The following ARHGAP27 variants were observed in gnomAD, a reference collection of about 807,000 sequenced individuals.
ARHGAP27 encodes the protein Rho GTPase activating protein 27.
In ARHGAP27, 53 loss-of-function variants were observed where a neutral mutation model predicts 102.0. That is an observed-to-expected ratio of 0.52 (90% CI 0.42 to 0.65). The LOEUF (loss-of-function observed/expected upper bound fraction) is 0.65, where lower values mean the gene tolerates loss of function less well. Among genes scored for constraint, ARHGAP27 ranks in the 30% least tolerant of loss-of-function variants. The pLI is 0.00. For synonymous variants in ARHGAP27, 525 were observed against 542.8 expected (o/e 0.97, Z 0.46); for missense variants, 1,117 against 1,256.2 (o/e 0.89, Z 1.68).
chr17:45,404,651 G>T lies in ARHGAP27; in HGVS notation c.1279C>A (p.Pro427Thr). The change falls in exon 7 of 20, where the codon CCA becomes ACA. Residue 427 changes from proline to threonine, a missense_variant. By Grantham distance (38) the Pro-to-Thr change is conservative. Coordinates refer to ENST00000685559, the MANE Select transcript of ARHGAP27 (RefSeq NM_001282290.2). ...GAGTCCTCTGGATTGTAGAAGTATG[G>T]CTTCCCGTGGGGGTCCTCCAGCCTC... ...WVRLEDPHGK[P>T]YFYNPEDSSV... 1 of 1,612,950 alleles carries T rather than the reference G, an allele frequency of 6.2e-7. No individual in the cohort carries two copies. Among genetic ancestry groups the T allele is most frequent in the Non-Finnish European group, 8.5e-7 (1 of 1,179,680 alleles).
At chr17:45,412,446 G>A (rs944920532) in intron 4 of ARHGAP27, among the ~76,000 whole-genome samples, 2 of 152,200 alleles carry the variant, frequency 1.3e-5, no homozygotes, top group Non-Finnish European at 2.9e-5. Flanking sequence ...GGAAGTGCTG[G>A]GGCAGGAGCA....
At chr17:45,398,341 A>G (rs2045990075) in intron 12 of ARHGAP27, among the ~76,000 whole-genome samples, 2 of 152,174 alleles carry the variant, frequency 1.3e-5, no homozygotes, top group Admixed American at 6.5e-5. Context: ...GCATGGCTCA[A>G]TTGTCTGGTA....
chr17:45,416,032 G>GTTTTTTTTTTTTTTTTTTTT (rs35276396), intron 4 of ARHGAP27, among the ~76,000 whole-genome samples: 1 of 143,360 alleles, frequency 7.0e-6, no homozygotes, highest in African/African-American at 2.6e-5. Flanking sequence ...TGAAGTTTTT[G>GTTTTTTTTTTTTTTTTTTTT]TTTTTTTTTT....
intron 4 of ARHGAP27, among the ~76,000 whole-genome samples, chr17:45,415,292 G>A (rs1224597309): frequency 2.0e-5 from 3 of 151,968 alleles, no homozygotes; most frequent in Middle Eastern, 3.4e-3. Flanking sequence ...CTCCTTCTTG[G>A]GCTTCCTCAG....
rs1259306355 is a variant in ARHGAP27, at chr17:45,430,611, T to A, written c.-18-314A>T. 1.3e-5 allele frequency among the ~76,000 whole-genome samples: 2 copies of A among 152,142 alleles called. No homozygotes were observed. Among genetic ancestry groups the A allele is most frequent in the African/African-American group, 4.8e-5 (2 of 41,410 alleles). ...AATCGACTGCGAGGGAAGCCTTGGC[T>A]TTAAAACGAGGGGTGATTGCCCGCT... On this transcript the variant is annotated intron_variant, in intron 3 of 19. Coordinates refer to ENST00000685559, the MANE Select transcript of ARHGAP27 (RefSeq NM_001282290.2). This position sits in a 1 kb window ranked among gnomAD's most constrained non-coding sequence, Gnocchi z 4.4.
chr17:45,412,930 C>T (rs1490647920), intron 4 of ARHGAP27, among the ~76,000 whole-genome samples: 1 of 144,782 alleles, frequency 6.9e-6, no homozygotes, highest in African/African-American at 2.6e-5. Context: ...TTGACTGTGC[C>T]TCCCAGGTGT....
intron 4 of ARHGAP27, chr17:45,410,141 G>T: frequency 7.1e-7 from 1 of 1,411,414 alleles, no homozygotes; most frequent in South Asian, 1.3e-5. Context: ...ACTTCCAAGA[G>T]GCTCCCTGCT....
At chr17:45,418,375 C>A (rs1242108424) in intron 4 of ARHGAP27, among the ~76,000 whole-genome samples, 1 of 151,480 alleles carries the variant, frequency 6.6e-6, no homozygotes, top group South Asian at 2.1e-4. Flanking sequence ...GAGGACCAAG[C>A]GGGAGGACTG....
chr17:45,427,279 G>A lies in ARHGAP27; in HGVS notation c.657+2344C>T, dbSNP rs2049711377. 6.6e-6 allele frequency among the ~76,000 whole-genome samples: 1 copy of A among 152,098 alleles called. No homozygotes were observed. Among genetic ancestry groups the A allele is most frequent in the Admixed American group, 6.5e-5 (1 of 15,272 alleles). On this transcript the variant is annotated intron_variant, in intron 4 of 19. Transcript: ENST00000685559. The surrounding 1 kb of genome is among the most constrained non-coding windows in gnomAD (Gnocchi z 4.5). ...CCTCACAGCGGCTGCAGGATAATGT[G>A]CACATTCCTGGCAAGGGCCCACGAG...
At chr17:45,421,094 C>A (rs1302766004) in intron 4 of ARHGAP27, among the ~76,000 whole-genome samples, 1 of 139,736 alleles carries the variant, frequency 7.2e-6, no homozygotes, top group Non-Finnish European at 1.5e-5. Flanking sequence ...AAAAGTACAA[C>A]AAGAATGAAA....
At chr17:45,429,473 T>C (rs763110519) in intron 4 of ARHGAP27, 150 bp downstream of exon 4, 33 of 1,483,364 alleles carry the variant, frequency 2.2e-5, no homozygotes, top group Middle Eastern at 1.8e-4. Context: ...CGTTTCGCGG[T>C]TGGGGAGAGG....
chr17:45,397,058 TGA>T (rs754276639), intron 13 of ARHGAP27, 34 bp from the exon 14 acceptor site: 2 of 1,598,242 alleles, frequency 1.3e-6, no homozygotes, highest in Non-Finnish European at 1.7e-6. Flanking sequence ...GGCGGGGCCT[TGA>T]GCCAGCTGCG....
At chr17:45,415,552 C>T (rs2048368116) in intron 4 of ARHGAP27, among the ~76,000 whole-genome samples, 1 of 152,146 alleles carries the variant, frequency 6.6e-6, no homozygotes, top group South Asian at 2.1e-4. Context: ...CAAATTTGTC[C>T]TCTCCCTCCT....
chr17:45,405,565 C>A (rs1201294103), intron 5 of ARHGAP27, 111 bp downstream of exon 5: 33 of 1,378,674 alleles, frequency 2.4e-5, no homozygotes, highest in Admixed American at 7.8e-5. Flanking sequence ...AGAGGTAGCC[C>A]CGCCCACCCA....
Position 45,412,397 on chromosome 17 carries a change from C to T in ARHGAP27, c.658-6314G>A, listed in dbSNP as rs566926247. Among the ~76,000 whole-genome samples, 4 of 152,344 alleles carry T rather than the reference C, an allele frequency of 2.6e-5. No individual in the cohort carries two copies. In the South Asian group the frequency reaches 8.3e-4, roughly 32 times the overall value. ...ACCAGCTGCACAACACCCCTCCTTT[C>T]CCCACTCTGACCTCACTCTTCCCTC... is the stretch of plus-strand genomic sequence containing the variant. On this transcript the variant is annotated intron_variant, in intron 4 of 19. Coordinates refer to ENST00000685559, the MANE Select transcript of ARHGAP27 (RefSeq NM_001282290.2).
intron 3 of ARHGAP27, among the ~76,000 whole-genome samples, chr17:45,431,182 G>A (rs1182863468): frequency 1.3e-5 from 2 of 152,146 alleles, no homozygotes; most frequent in African/African-American, 4.8e-5. Flanking sequence ...TCCCAGAGCA[G>A]GGCCACCCAA....
chr17:45,404,582 C>A lies in ARHGAP27; in HGVS notation c.1329+19G>T, dbSNP rs368077354. ...TCTCTTCCTCTCTCCCCAACACCCC[C>A]CTTTCCCCAGGTTGTTACCTGGGGC... is the stretch of plus-strand genomic sequence containing the variant. On this transcript the variant is annotated intron_variant, in intron 7 of 19. Transcript: ENST00000685559. 1.2e-6 allele frequency: 2 copies of A among 1,613,862 alleles called. No homozygotes were observed. Among genetic ancestry groups the A allele is most frequent in the African/African-American group, 2.7e-5 (2 of 74,910 alleles).
intron 4 of ARHGAP27, among the ~76,000 whole-genome samples, chr17:45,424,402 C>T (rs1371028454): frequency 6.6e-6 from 1 of 152,238 alleles, no homozygotes; most frequent in Non-Finnish European, 1.5e-5. Flanking sequence ...ATCCAGCTCC[C>T]AATCTCCCTA....
rs548035492 is a variant in ARHGAP27 at position 45,427,412 on chromosome 17, C to T, written c.657+2211G>A. Among the ~76,000 whole-genome samples the T allele has an allele frequency of 5.3e-4, 81 of 152,374 alleles. 1 individual carries two copies. The highest frequency in any genetic ancestry group is 1.9e-3 in the African/African-American group (79 of 41,594). On this transcript the variant is annotated intron_variant, in intron 4 of 19. Coordinates refer to ENST00000685559, the MANE Select transcript of ARHGAP27 (RefSeq NM_001282290.2). This position sits in a 1 kb window ranked among gnomAD's most constrained non-coding sequence, Gnocchi z 4.5. Reference sequence around the variant, plus strand: ...TCCAAGAGGGTGAGTCCCCCAGGATCGTGGCTGTGCCTCAGTCCTCTCCAG... The same window carrying T: ...TCCAAGAGGGTGAGTCCCCCAGGATTGTGGCTGTGCCTCAGTCCTCTCCAG...
Sources: gnomAD v4.1 joint callset for allele counts (sites outside exome capture counted in the v4.1 genomes callset) on GRCh38, gnomAD v4.1.1 for gene constraint, Gnocchi (gnomAD v3.1) non-coding constraint, MANE v1.5 for transcripts, NCBI Gene and HGNC (gene_info 2026-07-23, HGNC 2026-07-21) for gene names.